The following NHSL1 variants were observed in gnomAD, a reference collection of about 807,000 sequenced individuals.
The protein encoded by NHSL1 is NHS-like protein 1.
A neutral mutation model predicts 95.0 loss-of-function variants in NHSL1; 48 were observed. That is an observed-to-expected ratio of 0.51 (90% CI 0.40 to 0.64). NHSL1 has a LOEUF of 0.64. Among genes scored for constraint, NHSL1 ranks in the 30% least tolerant of loss-of-function variants. The pLI, the probability that NHSL1 is intolerant of heterozygous loss-of-function variation, is 0.00. For missense variants in NHSL1, 1,971 were observed against 2,077.7 expected (o/e 0.95, Z 1.00); for synonymous variants, 783 against 833.9 (o/e 0.94, Z 1.05).
Position 138,592,929 on chromosome 6 carries a change from C to T in NHSL1, c.97-96558G>A, listed in dbSNP as rs76982498. ...TGCCACAGCCACAGGAAGTCAGTTG[C>T]CCACAGCCTTATAAATCAGTTTACT... On this transcript the variant is annotated intron_variant, in intron 1 of 3. Coordinates refer to the NHSL1 transcript ENST00000491526. Among the ~76,000 whole-genome samples, 1,002 of 152,252 alleles carry T rather than the reference C, an allele frequency of 6.6e-3. 17 individuals are homozygous for T. Among genetic ancestry groups the T allele is most frequent in the East Asian group, 0.04 (207 of 5,186 alleles).
At chr6:138,529,787 C>T (rs1262253175) in intron 1 of NHSL1, among the ~76,000 whole-genome samples, 1 of 152,242 alleles carries the variant, frequency 6.6e-6, no homozygotes, top group Non-Finnish European at 1.5e-5. Flanking sequence ...CTTTTCAGTG[C>T]TCCTGTGATT....
intron 4 of NHSL1, among the ~76,000 whole-genome samples, chr6:138,443,704 C>T (rs901607563): frequency 6.6e-6 from 1 of 152,102 alleles, no homozygotes; most frequent in Non-Finnish European, 1.5e-5. Context: ...GTGGCATGTG[C>T]CTGTAGTCCC....
At chr6:138,619,386 A>G (rs1456532853) in intron 1 of NHSL1, among the ~76,000 whole-genome samples, 3 of 152,198 alleles carry the variant, frequency 2.0e-5, no homozygotes, top group Non-Finnish European at 4.4e-5. Flanking sequence ...ATTTCCCAAG[A>G]CCAAGACCTA....
At chr6:138,509,504 G>A (rs1196815680) in intron 1 of NHSL1, among the ~76,000 whole-genome samples, 1 of 152,158 alleles carries the variant, frequency 6.6e-6, no homozygotes, top group East Asian at 1.9e-4. Context: ...AAAAATGAGA[G>A]CAAAGGAAGA....
At chr6:138,526,037 G>A (rs1781890988) in intron 1 of NHSL1, among the ~76,000 whole-genome samples, 1 of 149,868 alleles carries the variant, frequency 6.7e-6, no homozygotes, top group South Asian at 2.1e-4. Flanking sequence ...AGGTTGCACT[G>A]AGCCGAGATC....
chr6:138,644,045 G>A (rs1005373599), intron 1 of NHSL1, among the ~76,000 whole-genome samples: 1 of 149,284 alleles, frequency 6.7e-6, no homozygotes, highest in Admixed American at 6.7e-5. Flanking sequence ...CCTCTATCTT[G>A]GGATTCAGAA....
At chr6:138,485,950 G>A (rs1327529811) in intron 2 of NHSL1, among the ~76,000 whole-genome samples, 1 of 152,114 alleles carries the variant, frequency 6.6e-6, no homozygotes, top group Non-Finnish European at 1.5e-5. Flanking sequence ...ACAATATGGC[G>A]GGGGCCACAT....
At chr6:138,537,248 T>A (rs961698805) in intron 1 of NHSL1, among the ~76,000 whole-genome samples, 1 of 152,242 alleles carries the variant, frequency 6.6e-6, no homozygotes, top group African/African-American at 2.4e-5. Flanking sequence ...TTGGAGCTGT[T>A]AGAGCGGTAT....
At chr6:138,669,345 T>C (rs1785334961) in intron 1 of NHSL1, among the ~76,000 whole-genome samples, 1 of 152,074 alleles carries the variant, frequency 6.6e-6, no homozygotes, top group African/African-American at 2.4e-5. Flanking sequence ...GGTTGAGCCA[T>C]AACAGACGGG....
intron 1 of NHSL1, among the ~76,000 whole-genome samples, chr6:138,518,393 G>GT (rs532765329): frequency 3.6e-3 from 495 of 136,106 alleles, no homozygotes; most frequent in African/African-American, 6.0e-3. Flanking sequence ...ATTACAGCAG[G>GT]TTTTTTTTTT....
At chr6:138,462,428 C>T (rs186107094) in intron 3 of NHSL1, among the ~76,000 whole-genome samples, 1 of 152,332 alleles carries the variant, frequency 6.6e-6, no homozygotes, top group Non-Finnish European at 1.5e-5. Context: ...AAACTCACTA[C>T]CAAGCCAGAG....
chr6:138,431,183 A>G lies in NHSL1; in HGVS notation c.3162T>C (p.Pro1054=). 1 of 1,547,730 alleles carries G rather than the reference A, an allele frequency of 6.5e-7. No individual in the cohort carries two copies. Among genetic ancestry groups the G allele is most frequent in the Non-Finnish European group, 8.7e-7 (1 of 1,144,274 alleles). Residue 1054 remains proline, a synonymous_variant, in exon 6 of 8, where the codon CCT becomes CCC. Coordinates refer to ENST00000343505, the MANE Select transcript of NHSL1 (RefSeq NM_001144060.2). The surrounding 1 kb of genome is among the most constrained non-coding windows in gnomAD (Gnocchi z 4.0). Reference sequence around the variant, plus strand: ...GCCTGCTGGTCTCCTCCTTGGTAGAAGGCGGCCTCAAGGATCCCCGGGAGG... The same window carrying G: ...GCCTGCTGGTCTCCTCCTTGGTAGAGGGCGGCCTCAAGGATCCCCGGGAGG... The part of the protein sequence containing the change: ...PESSRGSLRP[P]STKEETSRPP...
At chr6:138,651,458 G>A (rs992431603) in intron 1 of NHSL1, among the ~76,000 whole-genome samples, 3 of 152,146 alleles carry the variant, frequency 2.0e-5, no homozygotes, top group South Asian at 2.1e-4. Flanking sequence ...TATGACACAC[G>A]TTAACAAAAT....
At chr6:138,474,439 G>C (rs1047101507) in intron 2 of NHSL1, among the ~76,000 whole-genome samples, 2 of 152,062 alleles carry the variant, frequency 1.3e-5, no homozygotes, top group Non-Finnish European at 2.9e-5. Context: ...CACTTCAGTG[G>C]AGGGCTAAAA....
In NHSL1 at chr6:138,447,089, G is replaced by C. The variant is rs1330580729; in HGVS notation, c.444C>G (p.Thr148=). The C allele has an allele frequency of 6.4e-7, 1 of 1,551,704 alleles. No individual in the cohort carries two copies. Among genetic ancestry groups the C allele is most frequent in the South Asian group, 1.2e-5 (1 of 84,056 alleles). Residue 148 remains threonine, a synonymous_variant, in exon 4 of 8, where the codon ACC becomes ACG. Transcript: ENST00000343505. ...FSDLNTQTNW[T]KSLPLPTPEE... ...CTGGTGTTGGCAGTGGAAGCGACTT[G>C]GTCCAGTTCGTCTGAGTATTAAGGT...
intron 1 of NHSL1, among the ~76,000 whole-genome samples, chr6:138,512,850 C>T (rs548715159): frequency 6.6e-6 from 1 of 152,198 alleles, no homozygotes. Context: ...AAGGAGGAAT[C>T]GCTAATTCCC....
Position 138,543,917 on chromosome 6 carries a change from A to G in NHSL1, c.16+1706T>C, listed in dbSNP as rs551770511. Among the ~76,000 whole-genome samples the G allele has an allele frequency of 3.9e-5, 6 of 152,330 alleles. No homozygotes were observed. The South Asian group carries it at 1.2e-3, about 32-fold the overall frequency. Reference sequence around the variant, plus strand: ...GATTGTGGATTCCTGATTAGAACACACACTTCAGCGTAAAAGCACTTAGTT... The same window carrying G: ...GATTGTGGATTCCTGATTAGAACACGCACTTCAGCGTAAAAGCACTTAGTT... On this transcript the variant is annotated intron_variant, in intron 1 of 4. Coordinates refer to the NHSL1 transcript ENST00000342260.
At chr6:138,564,587 C>A (rs1328649872) in intron 1 of NHSL1, among the ~76,000 whole-genome samples, 1 of 151,718 alleles carries the variant, frequency 6.6e-6, no homozygotes, top group Admixed American at 6.6e-5. Context: ...ACCATTTAAT[C>A]GAGTCCCAGA....
rs1784462560 is a variant in NHSL1, at chr6:138,608,378, A to G, written c.96+84098T>C. ...AATTCATACATGAAGCAGAATTTTA[A>G]CAGTTGGCCTTGGAAGAAATTAGGT... On this transcript the variant is annotated intron_variant, in intron 1 of 3. Coordinates refer to the NHSL1 transcript ENST00000491526. Among the ~76,000 whole-genome samples the G allele has an allele frequency of 4.4e-5, 4 of 90,634 alleles. No individual in the cohort carries two copies. The South Asian group carries it at 1.7e-3, about 39-fold the overall frequency. 59.5% of individuals were successfully genotyped at this position (90,634 alleles called of 152,430 possible). A position where few individuals can be genotyped will look rare whatever the true frequency, so the allele number is the denominator to read the frequency against.
Sources: gnomAD v4.1 joint callset for allele counts (sites outside exome capture counted in the v4.1 genomes callset) on GRCh38, gnomAD v4.1.1 for gene constraint, Gnocchi (gnomAD v3.1) non-coding constraint, MANE v1.5 for transcripts, NCBI Gene and HGNC (gene_info 2026-07-23, HGNC 2026-07-21) for gene names.